The following PRICKLE1 variants were observed in gnomAD, a reference collection of about 807,000 sequenced individuals.
PRICKLE1 encodes prickle planar cell polarity protein 1.
A neutral mutation model predicts 70.2 loss-of-function variants in PRICKLE1; 14 were observed. The ratio of observed to expected loss-of-function variants is 0.20; its 90% CI spans 0.13 to 0.31. PRICKLE1 has a LOEUF of 0.31. Ranked by LOEUF, PRICKLE1 falls within the 10% of genes least tolerant of loss-of-function variation. PRICKLE1 has a pLI of 1.00. For synonymous variants in PRICKLE1, 357 were observed against 379.9 expected, an observed-to-expected ratio of 0.94 and a Z score of 0.70; for missense variants, 821 against 1,026.2, an observed-to-expected ratio of 0.80 and a Z score of 2.73.
chr12:42,523,965 T>C (rs1939757291), intron 1 of PRICKLE1, among the ~76,000 whole-genome samples: 1 of 152,256 alleles, frequency 6.6e-6, no homozygotes, highest in South Asian at 2.1e-4. Flanking sequence ...ACAACTGTGT[T>C]GAATTCATTT....
intron 1 of PRICKLE1, among the ~76,000 whole-genome samples, chr12:42,581,683 G>A (rs572302168): frequency 3.3e-5 from 5 of 151,282 alleles, no homozygotes; most frequent in Admixed American, 6.6e-5. Context: ...GGAGGCGGAG[G>A]TTGCAGTGAG....
chr12:42,583,983 A>C (rs1283812613), intron 1 of PRICKLE1, among the ~76,000 whole-genome samples: 1 of 152,142 alleles, frequency 6.6e-6, no homozygotes, highest in East Asian at 1.9e-4. Flanking sequence ...TCTTATTTTC[A>C]GATCTAATAA....
chr12:42,579,932 C>T (rs949802319), intron 1 of PRICKLE1, among the ~76,000 whole-genome samples: 2 of 151,714 alleles, frequency 1.3e-5, no homozygotes, highest in African/African-American at 2.4e-5. Flanking sequence ...AGTGCAATGG[C>T]GCAATCTTGG....
intron 6 of PRICKLE1, chr12:42,465,489 C>T (rs866999296): frequency 1.1e-5 from 6 of 552,148 alleles, no homozygotes; most frequent in Admixed American, 1.0e-4. Flanking sequence ...CATGGTCATT[C>T]GCAGATGTGC....
intron 1 of PRICKLE1, among the ~76,000 whole-genome samples, chr12:42,477,595 A>T (rs1032721940): frequency 7.3e-5 from 11 of 149,778 alleles, no homozygotes; most frequent in South Asian, 2.1e-4. Context: ...CTTTTGTAGC[A>T]CAGAAGGAAG....
chr12:42,517,706 C>T lies in PRICKLE1; in HGVS notation c.-48-45142G>A, dbSNP rs144369856. ...AAATACTGTACCAGCCTTATTGCCT[C>T]CTCCTGGCTTTAAGGACACCCTACA... On this transcript the variant is annotated intron_variant, in intron 1 of 7. Coordinates refer to ENST00000345127, the MANE Select transcript of PRICKLE1 (RefSeq NM_153026.3). Among the ~76,000 whole-genome samples, 3 of 152,174 alleles carry T rather than the reference C, an allele frequency of 2.0e-5. No individual in the cohort carries two copies. The East Asian group carries it at 5.8e-4, about 29-fold the overall frequency.
intron 1 of PRICKLE1, among the ~76,000 whole-genome samples, chr12:42,561,171 T>C (rs752911337): frequency 6.6e-6 from 1 of 152,242 alleles, no homozygotes; most frequent in East Asian, 1.9e-4. Flanking sequence ...TACAGCAAGA[T>C]GGTGGAGACT....
At chr12:42,524,500 A>C (rs974377947) in intron 1 of PRICKLE1, among the ~76,000 whole-genome samples, 14 of 152,028 alleles carry the variant, frequency 9.2e-5, no homozygotes, top group African/African-American at 2.9e-4. Flanking sequence ...TGCAACCACC[A>C]CCCCCTGGGT....
At chr12:42,486,226 A>G (rs887154897) in intron 1 of PRICKLE1, among the ~76,000 whole-genome samples, 1 of 152,162 alleles carries the variant, frequency 6.6e-6, no homozygotes, top group African/African-American at 2.4e-5. Flanking sequence ...CATTTGCAAT[A>G]TTTGTCTGCA....
chr12:42,581,052 C>T (rs770156971), intron 1 of PRICKLE1, among the ~76,000 whole-genome samples: 2 of 152,116 alleles, frequency 1.3e-5, no homozygotes, highest in Admixed American at 6.6e-5. Flanking sequence ...ACACCTTAGA[C>T]ATCACCTAAT....
chr12:42,483,666 G>C (rs971242572), intron 1 of PRICKLE1: 2 of 151,312 alleles, frequency 1.3e-5, no homozygotes, highest in Non-Finnish European at 3.0e-5. Context: ...CCGCCTGGCG[G>C]GCGAGGGGTC....
chr12:42,498,320 T>TG (rs1051840576), intron 1 of PRICKLE1, among the ~76,000 whole-genome samples: 1 of 151,876 alleles, frequency 6.6e-6, no homozygotes, highest in Non-Finnish European at 1.5e-5. Flanking sequence ...ACTATAGGTG[T>TG]GTGTCACCAC....
At chr12:42,541,981 T>C (rs985446487) in intron 1 of PRICKLE1, among the ~76,000 whole-genome samples, 4 of 135,786 alleles carry the variant, frequency 2.9e-5, no homozygotes, top group African/African-American at 1.1e-4. Context: ...CTTTCAAGTT[T>C]ATGAAGTCAT....
intron 1 of PRICKLE1, chr12:42,489,846 G>C (rs1217230751): frequency 1.3e-5 from 2 of 151,996 alleles, no homozygotes; most frequent in African/African-American, 2.4e-5. Flanking sequence ...CATTTCCATA[G>C]AGCCAGACAT....
chr12:42,488,159 T>TG (rs1451825767), intron 1 of PRICKLE1, among the ~76,000 whole-genome samples: 1 of 152,178 alleles, frequency 6.6e-6, no homozygotes, highest in East Asian at 1.9e-4. Flanking sequence ...TCCTCACCCC[T>TG]GTTGTTCCAA....
intron 1 of PRICKLE1, among the ~76,000 whole-genome samples, chr12:42,485,117 C>A: frequency 6.6e-6 from 1 of 150,794 alleles, no homozygotes; most frequent in East Asian, 2.0e-4. Context: ...TACACGTGAA[C>A]AATAGCTCAT....
intron 1 of PRICKLE1, among the ~76,000 whole-genome samples, chr12:42,512,644 T>C (rs939489345): frequency 3.3e-5 from 5 of 152,150 alleles, no homozygotes; most frequent in African/African-American, 9.7e-5. Flanking sequence ...TGACATAGTA[T>C]GTATTGTATG....
chr12:42,496,138 G>A (rs977190232), intron 1 of PRICKLE1, among the ~76,000 whole-genome samples: 1 of 152,212 alleles, frequency 6.6e-6, no homozygotes, highest in Non-Finnish European at 1.5e-5. Flanking sequence ...AACCATCCAT[G>A]ATTCATGAGC....
chr12:42,474,183 A>G (rs559979107), intron 1 of PRICKLE1, among the ~76,000 whole-genome samples: 2 of 152,314 alleles, frequency 1.3e-5, no homozygotes, highest in South Asian at 2.1e-4. Flanking sequence ...GAGGCAGGAG[A>G]ATCGCTTGAA....
Sources: allele counts gnomAD v4.1 joint callset (sites outside exome capture counted in the v4.1 genomes callset), GRCh38; gene constraint gnomAD v4.1.1; transcripts MANE v1.5; gene names NCBI Gene and HGNC (gene_info 2026-07-23, HGNC 2026-07-21).